ASCC3: variants seen among roughly 807,000 people sequenced by gnomAD.
ASCC3 encodes ASC-1 complex subunit P200.
Under a neutral mutation model 256.3 loss-of-function variants are expected in ASCC3, and 158 were observed. The observed-to-expected ratio is 0.62, with a 90% CI of 0.54 to 0.70. ASCC3 has a LOEUF of 0.70. Among genes scored for constraint, ASCC3 ranks in the 30% least tolerant of loss-of-function variants. The pLI is 0.00. For missense variants in ASCC3, 2,259 were observed against 2,626.0 expected (o/e 0.86, Z 3.05); for synonymous variants, 948 against 883.4 (o/e 1.07, Z -1.30).
Position 100,800,202 on chromosome 6 carries a change from A to AG in ASCC3, c.1127+97_1127+98insC. 3.7e-6 allele frequency: 5 copies of AG among 1,340,682 alleles called. 1 individual carries two copies. The South Asian group carries it at 6.3e-5, about 17-fold the overall frequency. The allele number at this position is 1,340,682 out of a possible 1,614,324, so 83.0% of individuals were successfully genotyped here. A position where few individuals can be genotyped will look rare whatever the true frequency, so the allele number is the denominator to read the frequency against. ...ATGAAGAAAACGTGACTTGAAGTAA[A>AG]AATCATCTATACTGCTAAGACTAAA... On this transcript the variant is annotated intron_variant, in intron 6 of 41. Transcript: ENST00000369162.
rs1775418855 is a variant in ASCC3, at chr6:100,647,115, T to C, written c.3478+111A>G. On this transcript the variant is annotated intron_variant, in intron 21 of 41. Transcript: ENST00000369162. ...AAATGAAAAAGATTTATAAATACGGTAAAATTTTTATTTTGATTAATGTGG... is the reference window on the plus strand; with the variant it reads ...AAATGAAAAAGATTTATAAATACGGCAAAATTTTTATTTTGATTAATGTGG... The C allele has an allele frequency of 3.8e-6, 4 of 1,050,170 alleles. No homozygotes were observed. The South Asian group carries it at 4.4e-5, about 11-fold the overall frequency. The allele number at this position is 1,050,170 out of a possible 1,614,324, so 65.1% of individuals were successfully genotyped here. A position where few individuals can be genotyped will look rare whatever the true frequency, so the allele number is the denominator to read the frequency against.
chr6:100,577,771 T>A (rs1205327244), intron 36 of ASCC3, among the ~76,000 whole-genome samples: 1 of 151,236 alleles, frequency 6.6e-6, no homozygotes, highest in Non-Finnish European at 1.5e-5. Flanking sequence ...CTCTCACACA[T>A]ACACATAGGA....
chr6:100,665,694 C>G (rs1303809033), intron 14 of ASCC3, among the ~76,000 whole-genome samples: 2 of 149,952 alleles, frequency 1.3e-5, no homozygotes, highest in East Asian at 3.9e-4. Context: ...GAGCCGAGAT[C>G]ACATCACTGA....
At chr6:100,779,660 A>G (rs1367600803) in intron 8 of ASCC3, among the ~76,000 whole-genome samples, 1 of 152,166 alleles carries the variant, frequency 6.6e-6, no homozygotes, top group Admixed American at 6.6e-5. Flanking sequence ...ATTCAGATAA[A>G]CAAGTGTAGA....
chr6:100,663,115 C>A (rs541935145), intron 14 of ASCC3, among the ~76,000 whole-genome samples: 1 of 151,998 alleles, frequency 6.6e-6, no homozygotes, highest in Admixed American at 6.6e-5. Flanking sequence ...TTCCTCATTG[C>A]GATAAGTCAA....
chr6:100,770,944 T>G (rs1489311530), intron 8 of ASCC3, among the ~76,000 whole-genome samples: 1 of 151,970 alleles, frequency 6.6e-6, no homozygotes, highest in East Asian at 1.9e-4. Context: ...ACTTTGAAAT[T>G]CATATGGAAA....
At chr6:100,753,071 C>T (rs920460662) in intron 10 of ASCC3, among the ~76,000 whole-genome samples, 2 of 151,934 alleles carry the variant, frequency 1.3e-5, no homozygotes, top group Non-Finnish European at 2.9e-5. Context: ...ATGGCTCTAA[C>T]CTGATTCTTA....
chr6:100,796,761 T>A (rs1769637216), intron 8 of ASCC3, among the ~76,000 whole-genome samples: 1 of 152,196 alleles, frequency 6.6e-6, no homozygotes, highest in Non-Finnish European at 1.5e-5. Flanking sequence ...TTCTGCTCTT[T>A]AAGCCACCTG....
chr6:100,657,217 G>C (rs116041448), intron 16 of ASCC3, among the ~76,000 whole-genome samples: 2,132 of 151,376 alleles, frequency 0.014, 40 homozygotes, highest in African/African-American at 0.049. Context: ...GGGAGATTCT[G>C]TCTACTAACT....
At chr6:100,818,387 T>C (rs1450381119) in intron 4 of ASCC3, among the ~76,000 whole-genome samples, 1 of 151,778 alleles carries the variant, frequency 6.6e-6, no homozygotes, top group Non-Finnish European at 1.5e-5. Context: ...GCCAAGATGG[T>C]GAAACCCCAC....
intron 36 of ASCC3, among the ~76,000 whole-genome samples, chr6:100,559,057 T>G (rs1259198455): frequency 1.3e-5 from 2 of 152,198 alleles, no homozygotes; most frequent in Non-Finnish European, 2.9e-5. Flanking sequence ...TATATCATTA[T>G]GTAAGGTGTG....
intron 36 of ASCC3, among the ~76,000 whole-genome samples, chr6:100,589,070 T>C (rs1332238532): frequency 6.6e-6 from 1 of 152,180 alleles, no homozygotes; most frequent in African/African-American, 2.4e-5. Context: ...AAGATGCTTC[T>C]AATATTAATT....
chr6:100,587,732 T>G (rs1396310935), intron 36 of ASCC3, among the ~76,000 whole-genome samples: 1 of 152,190 alleles, frequency 6.6e-6, no homozygotes, highest in African/African-American at 2.4e-5. Context: ...ACTGGAGAAC[T>G]GACTTTAATT....
chr6:100,552,586 T>C (rs1192828289), intron 36 of ASCC3, among the ~76,000 whole-genome samples: 1 of 152,028 alleles, frequency 6.6e-6, no homozygotes, highest in Non-Finnish European at 1.5e-5. Context: ...AGGTTTCTTT[T>C]AAATCCACAT....
intron 36 of ASCC3, among the ~76,000 whole-genome samples, chr6:100,567,655 G>T (rs1770339261): frequency 6.6e-6 from 1 of 152,168 alleles, no homozygotes; most frequent in Non-Finnish European, 1.5e-5. Flanking sequence ...AGAACCTGCA[G>T]AATTTGGTTT....
intron 32 of ASCC3, among the ~76,000 whole-genome samples, chr6:100,606,437 A>T (rs1022049290): frequency 6.6e-6 from 1 of 152,156 alleles, no homozygotes; most frequent in Non-Finnish European, 1.5e-5. Flanking sequence ...GAATTTCACT[A>T]ATAGCTCCTA....
At chr6:100,513,007 T>A in intron 39 of ASCC3, 89 bp from the exon 40 acceptor site, 1 of 1,152,940 alleles carries the variant, frequency 8.7e-7, no homozygotes, top group Non-Finnish European at 1.2e-6. Flanking sequence ...TAGACGAAAA[T>A]TAACCTTTTA....
chr6:100,586,305 G>C (rs547452450), intron 36 of ASCC3, among the ~76,000 whole-genome samples: 187 of 152,270 alleles, frequency 1.2e-3, no homozygotes, highest in African/African-American at 4.4e-3. Context: ...CCCTTCCCCA[G>C]CCTTGCTGCC....
At chr6:100,788,261 T>C (rs750578595) in intron 8 of ASCC3, among the ~76,000 whole-genome samples, 2 of 151,928 alleles carry the variant, frequency 1.3e-5, no homozygotes, top group African/African-American at 2.4e-5. Flanking sequence ...AAAACCATAA[T>C]GAGATACTAC....
Sources: allele counts gnomAD v4.1 joint callset (sites outside exome capture counted in the v4.1 genomes callset), GRCh38; gene constraint gnomAD v4.1.1; transcripts MANE v1.5; gene names NCBI Gene and HGNC (gene_info 2026-07-23, HGNC 2026-07-21).